KDELR2: variants seen among roughly 807,000 people sequenced by gnomAD.
The protein encoded by KDELR2 is ER lumen protein-retaining receptor 2.
A neutral mutation model predicts 23.9 loss-of-function variants in KDELR2; 15 were observed. The observed-to-expected ratio is 0.63, with a 90% CI of 0.42 to 0.97. The LOEUF (loss-of-function observed/expected upper bound fraction) is 0.97, where lower values mean the gene tolerates loss of function less well. Ranked by LOEUF, KDELR2 falls within the 50% of genes least tolerant of loss-of-function variation. The probability of loss-of-function intolerance (pLI) is 0.00; values close to 1 mark genes in which losing one functional copy is unlikely to be tolerated. For synonymous variants in KDELR2, 119 were observed against 106.2 expected, an observed-to-expected ratio of 1.12 and a Z score of -0.74; for missense variants, 272 against 254.6, an observed-to-expected ratio of 1.07 and a Z score of -0.46.
At chr7:6,465,302 G>C (rs1198429506) in intron 4 of KDELR2, among the ~76,000 whole-genome samples, 1 of 150,936 alleles carries the variant, frequency 6.6e-6, no homozygotes, top group Non-Finnish European at 1.5e-5. Context: ...TCCTGCCTCA[G>C]CCTCCCGAGT....
intron 4 of KDELR2, among the ~76,000 whole-genome samples, chr7:6,465,157 A>G (rs758385030): frequency 5.4e-5 from 8 of 149,110 alleles, no homozygotes; most frequent in Non-Finnish European, 1.2e-4. Flanking sequence ...ATATACATGC[A>G]TTTGGGTGCA....
Position 6,468,655 on chromosome 7 carries a change from G to A in KDELR2, c.351+941C>T, listed in dbSNP as rs186816917. Among the ~76,000 whole-genome samples, 1,133 of 152,134 alleles carry A rather than the reference G, an allele frequency of 7.4e-3. 11 individuals are homozygous for A. Among genetic ancestry groups the A allele is most frequent in the African/African-American group, 0.026 (1,088 of 41,512 alleles). ...CAAGTAACTGGGACTACAGGCGCCC[G>A]CCACCACGCCCAGCTAGTTTTTTGT... On this transcript the variant is annotated intron_variant, in intron 3 of 4. Transcript: ENST00000258739.
At chr7:6,473,637 G>A (rs1162238601) in intron 2 of KDELR2, among the ~76,000 whole-genome samples, 1 of 152,236 alleles carries the variant, frequency 6.6e-6, no homozygotes, top group Non-Finnish European at 1.5e-5. Flanking sequence ...CTAAGTAAAT[G>A]ATGGTATAGA....
intron 1 of KDELR2, among the ~76,000 whole-genome samples, chr7:6,478,038 A>C (rs748093221): frequency 2.0e-5 from 3 of 152,226 alleles, no homozygotes; most frequent in Non-Finnish European, 4.4e-5. Context: ...TCTCCTAGAA[A>C]GGCTATGCCA....
At chr7:6,473,333 C>T (rs1785692076) in intron 2 of KDELR2, among the ~76,000 whole-genome samples, 1 of 152,054 alleles carries the variant, frequency 6.6e-6, no homozygotes, top group Admixed American at 6.6e-5. Flanking sequence ...CCACACCAGC[C>T]TAGAGACTTC....
At chr7:6,483,661 A>C (rs1785961258) in intron 1 of KDELR2, among the ~76,000 whole-genome samples, 1 of 151,940 alleles carries the variant, frequency 6.6e-6, no homozygotes, top group Admixed American at 6.6e-5. Context: ...CGCCTGTCGG[A>C]CCCCCCGTCC....
At chr7:6,471,411 C>T (rs1785639085) in intron 2 of KDELR2, among the ~76,000 whole-genome samples, 2 of 152,140 alleles carry the variant, frequency 1.3e-5, no homozygotes, top group South Asian at 4.1e-4. Flanking sequence ...AACTCTTGAC[C>T]TCAGGTGATC....
At chr7:6,479,795 T>C (rs1785849234) in intron 1 of KDELR2, among the ~76,000 whole-genome samples, 1 of 152,196 alleles carries the variant, frequency 6.6e-6, no homozygotes, top group Non-Finnish European at 1.5e-5. Flanking sequence ...AAACTTTTAA[T>C]AGCTACAAGC....
chr7:6,479,199 C>G (rs1214331247), intron 1 of KDELR2, among the ~76,000 whole-genome samples: 1 of 152,008 alleles, frequency 6.6e-6, no homozygotes, highest in Non-Finnish European at 1.5e-5. Context: ...ACTCTGTCAC[C>G]CAAGCTGAAG....
rs746936088 is a variant in KDELR2, at chr7:6,469,701, A to G, written c.246T>C (p.Phe82=). The change falls in exon 3 of 5, where the codon TTT becomes TTC. Residue 82 remains phenylalanine, a synonymous_variant. Coordinates refer to ENST00000258739, the MANE Select transcript of KDELR2 (RefSeq NM_006854.4). ...YATVYLIYLK[F]KATYDGNHDT... ...CATGATTTCCATCGTAGGTTGCCTT[A>G]AATTTCAGGTAGATCAGGTACACTG... The G allele has an allele frequency of 4.3e-6, 7 of 1,614,192 alleles. No individual in the cohort carries two copies. In the South Asian group the frequency reaches 7.7e-5, roughly 18 times the overall value.
At chr7:6,482,210 GCTGGTCTTGAACTC>G (rs1247409676) in intron 1 of KDELR2, among the ~76,000 whole-genome samples, 1 of 152,022 alleles carries the variant, frequency 6.6e-6, no homozygotes, top group African/African-American at 2.4e-5. Context: ...CCATGTTGAG[GCTGGTCTTGAACTC>G]CTGACCTCAG....
intron 4 of KDELR2, among the ~76,000 whole-genome samples, chr7:6,463,807 T>G (rs139356930): frequency 6.6e-6 from 1 of 150,690 alleles, no homozygotes; most frequent in Admixed American, 6.6e-5. Flanking sequence ...ACGCCTATAC[T>G]TCCGGCACTG....
At position 6,462,227 on chromosome 7, in the gene KDELR2, T is replaced by C. The variant is rs540915546; in HGVS notation, c.*914A>G. 4 of 151,966 alleles carry C rather than the reference T, an allele frequency of 2.6e-5. No individual in the cohort carries two copies. The highest frequency in any genetic ancestry group is 9.7e-5 in the African/African-American group (4 of 41,370). The allele number at this position is 151,966 out of a possible 1,614,324, so 9.4% of individuals were successfully genotyped here. On this transcript the variant is annotated 3_prime_UTR_variant, in exon 5 of 5. Transcript: ENST00000258739. ...ATTAAATCATCTTACCACCCAAAAG[T>C]GATATGGAAAACTGTTTGAATCTGA... is the stretch of plus-strand genomic sequence containing the variant.
intron 1 of KDELR2, among the ~76,000 whole-genome samples, chr7:6,480,444 A>G (rs1033954793): frequency 3.9e-5 from 6 of 152,240 alleles, no homozygotes; most frequent in Non-Finnish European, 8.8e-5. Flanking sequence ...TTCTGTAATG[A>G]CAACAGCAGA....
At chr7:6,472,478 G>C (rs572492474) in intron 2 of KDELR2, among the ~76,000 whole-genome samples, 29 of 152,158 alleles carry the variant, frequency 1.9e-4, no homozygotes, top group Admixed American at 1.4e-3. Flanking sequence ...GCATCCTGAG[G>C]GGGAGAGAGG....
intron 1 of KDELR2, among the ~76,000 whole-genome samples, chr7:6,478,710 G>A (rs1423234354): frequency 1.3e-5 from 2 of 152,140 alleles, no homozygotes; most frequent in African/African-American, 4.8e-5. Context: ...CAGCCTTCCT[G>A]GGTGCTCTCC....
At chr7:6,469,221 GAATTACAGGCGT>G (rs1459611236) in intron 3 of KDELR2, among the ~76,000 whole-genome samples, 11 of 151,820 alleles carry the variant, frequency 7.2e-5, no homozygotes, top group Admixed American at 6.6e-5. Context: ...CAAAGTGCTG[GAATTACAGGCGT>G]GAGCCACTAC....
chr7:6,471,987 G>A (rs964033056), intron 2 of KDELR2, among the ~76,000 whole-genome samples: 6 of 151,132 alleles, frequency 4.0e-5, no homozygotes, highest in Non-Finnish European at 7.4e-5. Flanking sequence ...TGCAACCTCC[G>A]CTTCCCGGGT....
chr7:6,469,276 G>A (rs556005260), intron 3 of KDELR2, among the ~76,000 whole-genome samples: 12 of 151,216 alleles, frequency 7.9e-5, no homozygotes, highest in South Asian at 4.2e-4. Flanking sequence ...CTTTTCCCTC[G>A]AGACAGTCTT....
Sources: allele counts gnomAD v4.1 joint callset (sites outside exome capture counted in the v4.1 genomes callset), GRCh38; gene constraint gnomAD v4.1.1; transcripts MANE v1.5; gene names NCBI Gene and HGNC (gene_info 2026-07-23, HGNC 2026-07-21).